ZFAND3: variants seen among roughly 807,000 people sequenced by gnomAD.
The protein encoded by ZFAND3 is zinc finger AN1-type containing 3.
A neutral mutation model predicts 29.6 loss-of-function variants in ZFAND3; 10 were observed. That is an observed-to-expected ratio of 0.34 (90% confidence interval 0.21 to 0.57). ZFAND3 has a LOEUF of 0.57. ZFAND3 is among the 20% of genes least tolerant of loss of function. The pLI, the probability that ZFAND3 is intolerant of heterozygous loss-of-function variation, is 0.86. For synonymous variants in ZFAND3, 128 were observed against 112.6 expected (o/e 1.14, Z -0.87); for missense variants, 230 against 304.5 (o/e 0.76, Z 1.82).
intron 4 of ZFAND3, among the ~76,000 whole-genome samples, chr6:38,111,754 A>C (rs1765322321): frequency 6.6e-6 from 1 of 152,238 alleles, no homozygotes. Context: ...ACTTCTGGTC[A>C]GCAGGAGGCT....
chr6:38,031,308 TTAA>T (rs1763554951), intron 2 of ZFAND3, among the ~76,000 whole-genome samples: 1 of 152,206 alleles, frequency 6.6e-6, no homozygotes, highest in Non-Finnish European at 1.5e-5. Flanking sequence ...TCCTCAATAC[TTAA>T]TAAAGTTTCA....
intron 4 of ZFAND3, among the ~76,000 whole-genome samples, chr6:38,089,289 G>C (rs967168478): frequency 2.6e-5 from 4 of 151,534 alleles, no homozygotes; most frequent in African/African-American, 9.7e-5. Context: ...CACCACACCC[G>C]GCTAATTTTT....
chr6:38,086,610 C>T (rs898011248), intron 4 of ZFAND3, among the ~76,000 whole-genome samples: 4 of 152,308 alleles, frequency 2.6e-5, no homozygotes, highest in African/African-American at 9.6e-5. Flanking sequence ...CAACAAACTA[C>T]AAGAAGATTC....
At chr6:38,014,457 G>C (rs945264578) in intron 2 of ZFAND3, among the ~76,000 whole-genome samples, 1 of 152,012 alleles carries the variant, frequency 6.6e-6, no homozygotes, top group African/African-American at 2.4e-5. Context: ...CTCCCGAGTA[G>C]CTGGGATTAC....
intron 1 of ZFAND3, among the ~76,000 whole-genome samples, chr6:37,892,068 C>T (rs1047654016): frequency 3.3e-5 from 5 of 152,126 alleles, no homozygotes; most frequent in Non-Finnish European, 5.9e-5. Flanking sequence ...GGACAGTCTC[C>T]AGTATAGACA....
chr6:38,078,265 A>G (rs1334521017), intron 3 of ZFAND3, among the ~76,000 whole-genome samples: 3 of 152,234 alleles, frequency 2.0e-5, no homozygotes, highest in Non-Finnish European at 4.4e-5. Flanking sequence ...AAGAATAGAA[A>G]CATCCCTAGA....
At chr6:37,942,343 C>G (rs1375256999) in intron 2 of ZFAND3, among the ~76,000 whole-genome samples, 2 of 151,844 alleles carry the variant, frequency 1.3e-5, no homozygotes, top group Non-Finnish European at 2.9e-5. Flanking sequence ...CTTAAGGTAA[C>G]TAAATAAATT....
intron 5 of ZFAND3, among the ~76,000 whole-genome samples, chr6:38,143,503 A>G (rs892662908): frequency 5.3e-5 from 8 of 152,262 alleles, no homozygotes; most frequent in African/African-American, 1.9e-4. Flanking sequence ...TGGTTCTAAC[A>G]TTTAGCTGGC....
chr6:38,041,397 ATTTC>A (rs1371096995), intron 2 of ZFAND3, among the ~76,000 whole-genome samples: 1 of 151,670 alleles, frequency 6.6e-6, no homozygotes, highest in East Asian at 1.9e-4. Flanking sequence ...TAACTGCATA[ATTTC>A]TTCTGTGTTT....
intron 2 of ZFAND3, among the ~76,000 whole-genome samples, chr6:38,030,668 T>A (rs1358975456): frequency 6.6e-6 from 1 of 151,940 alleles, no homozygotes; most frequent in Non-Finnish European, 1.5e-5. Flanking sequence ...CAAGTTATAA[T>A]GTAAGCACAA....
chr6:37,896,578 C>CTT (rs772841805), intron 1 of ZFAND3, among the ~76,000 whole-genome samples: 3 of 76,106 alleles, frequency 3.9e-5, no homozygotes, highest in East Asian at 2.7e-4. Context: ...TTCTCTCTTT[C>CTT]TCTCTCTTTC....
At chr6:38,025,374 G>A (rs1763428233) in intron 2 of ZFAND3, among the ~76,000 whole-genome samples, 3 of 152,146 alleles carry the variant, frequency 2.0e-5, no homozygotes, top group South Asian at 4.1e-4. Flanking sequence ...TTTTTAGGAG[G>A]CACAATATCC....
intron 1 of ZFAND3, among the ~76,000 whole-genome samples, chr6:37,864,081 T>C (rs1037500460): frequency 2.6e-5 from 4 of 152,242 alleles, no homozygotes; most frequent in African/African-American, 4.8e-5. Flanking sequence ...TTGCACCTTA[T>C]GTTTAATGAA....
intron 1 of ZFAND3, among the ~76,000 whole-genome samples, chr6:37,911,631 T>A: frequency 6.6e-6 from 1 of 152,204 alleles, no homozygotes; most frequent in Non-Finnish European, 1.5e-5. Flanking sequence ...GCAGTCAACA[T>A]AGATTTTATA....
intron 4 of ZFAND3, among the ~76,000 whole-genome samples, chr6:38,107,929 TAAA>T (rs11423651): frequency 2.1e-5 from 3 of 142,278 alleles, no homozygotes; most frequent in Non-Finnish European, 4.7e-5. Flanking sequence ...GAAGGACTGT[TAAA>T]AAAAAAAAAA....
chr6:37,921,544 ATAG>A (rs1156721177), intron 1 of ZFAND3, among the ~76,000 whole-genome samples: 2 of 151,942 alleles, frequency 1.3e-5, no homozygotes, highest in Non-Finnish European at 2.9e-5. Context: ...GTGGGGAGAG[ATAG>A]TAGTCTTGTG....
At chr6:38,128,366 C>G (rs1392870533) in intron 5 of ZFAND3, among the ~76,000 whole-genome samples, 1 of 152,166 alleles carries the variant, frequency 6.6e-6, no homozygotes, top group Non-Finnish European at 1.5e-5. Flanking sequence ...TATTGGGGAA[C>G]AGATGTTGTT....
At chr6:37,961,136 C>T (rs888304307) in intron 2 of ZFAND3, among the ~76,000 whole-genome samples, 2 of 152,104 alleles carry the variant, frequency 1.3e-5, no homozygotes, top group Admixed American at 6.6e-5. Context: ...TCTTGGATGG[C>T]ATTTCTGGAC....
intron 5 of ZFAND3, among the ~76,000 whole-genome samples, chr6:38,133,447 C>T (rs1437772803): frequency 6.6e-6 from 1 of 152,112 alleles, no homozygotes; most frequent in Non-Finnish European, 1.5e-5. Context: ...TCATTTGACT[C>T]TTAAGAGCAT....
Sources: gnomAD v4.1 joint callset for allele counts (sites outside exome capture counted in the v4.1 genomes callset) on GRCh38, gnomAD v4.1.1 for gene constraint, MANE v1.5 for transcripts, NCBI Gene and HGNC (gene_info 2026-07-23, HGNC 2026-07-21) for gene names.